The following COL11A1 variants were observed in gnomAD, a reference collection of about 807,000 sequenced individuals.
The protein encoded by COL11A1 is collagen type XI alpha 1 chain.
In COL11A1, 74 loss-of-function variants were observed where a neutral mutation model predicts 265.2. The observed-to-expected ratio is 0.28, with a 90% CI of 0.23 to 0.34. The LOEUF is 0.34. Among genes scored for constraint, COL11A1 ranks in the 10% least tolerant of loss-of-function variants. The pLI, the probability that COL11A1 is intolerant of heterozygous loss-of-function variation, is 1.00. For missense variants in COL11A1, 2,165 were observed against 2,263.6 expected (o/e 0.96, Z 0.88); for synonymous variants, 816 against 727.6 (o/e 1.12, Z -1.96).
intron 22 of COL11A1, 97 bp from the exon 23 acceptor site, chr1:103,002,578 A>G: frequency 8.4e-7 from 1 of 1,187,096 alleles, no homozygotes; most frequent in Non-Finnish European, 1.2e-6. Flanking sequence ...ACCCTCAAAC[A>G]GTTTTCCCTC....
rs778254056 is a variant in COL11A1 at position 102,946,961 on chromosome 1, T to A, written c.3169-5A>T. 6.2e-7 allele frequency: 1 copy of A among 1,607,544 alleles called. No homozygotes were observed. Among genetic ancestry groups the A allele is most frequent in the African/African-American group, 1.3e-5 (1 of 74,976 alleles). On this transcript the variant is annotated splice_region_variant and splice_polypyrimidine_tract_variant and intron_variant, in intron 41 of 66. Transcript: ENST00000370096. ...CCCACGTTCTCCTGGTGAGCCCTAG[T>A]ATACAGGAAAAGAAGTATTTTGTTA...
chr1:102,891,461 C>T (rs1651770456), intron 57 of COL11A1, among the ~76,000 whole-genome samples: 1 of 151,740 alleles, frequency 6.6e-6, no homozygotes, highest in Non-Finnish European at 1.5e-5. Flanking sequence ...GACATTTATC[C>T]TTTTAACTTA....
intron 7 of COL11A1, among the ~76,000 whole-genome samples, chr1:103,024,018 C>CT (rs1262719522): frequency 6.6e-6 from 1 of 152,044 alleles, no homozygotes; most frequent in Admixed American, 6.6e-5. Context: ...AAACTGATAC[C>CT]TTTTTTTCTC....
At chr1:102,972,723 C>T (rs919712656) in intron 36 of COL11A1, among the ~76,000 whole-genome samples, 2 of 152,070 alleles carry the variant, frequency 1.3e-5, no homozygotes, top group East Asian at 1.9e-4. Flanking sequence ...TGAGGGTATG[C>T]AGATTTGGCG....
At chr1:102,914,246 T>G in intron 52 of COL11A1, 106 bp downstream of exon 52, 1 of 871,450 alleles carries the variant, frequency 1.1e-6, no homozygotes, top group Non-Finnish European at 1.8e-6. Context: ...TTCTTTCTGT[T>G]TTTGGGAGTT....
chr1:102,892,943 C>T (rs934565633), intron 57 of COL11A1, among the ~76,000 whole-genome samples: 1 of 152,130 alleles, frequency 6.6e-6, no homozygotes, highest in African/African-American at 2.4e-5. Flanking sequence ...AATTTAGTTA[C>T]ATTCTCTTTT....
At position 103,003,275 on chromosome 1, in the gene COL11A1, GA is replaced by G. The variant is rs763773552; in HGVS notation, c.1945-8del. On this transcript the variant is annotated splice_polypyrimidine_tract_variant and splice_region_variant and intron_variant, in intron 20 of 66. Coordinates refer to ENST00000370096, the MANE Select transcript of COL11A1 (RefSeq NM_001854.4). ...CCAGCAAACCTCGTGGGCCCTAGGA[GA>G]AAAAGAAAAAGCACGCCTTTATTAA... 1 of 1,609,372 alleles carries G rather than the reference GA, an allele frequency of 6.2e-7. No homozygotes were observed. Among genetic ancestry groups the G allele is most frequent in the African/African-American group, 1.3e-5 (1 of 74,136 alleles).
intron 49 of COL11A1, 82 bp downstream of exon 49, chr1:102,920,229 T>A: frequency 3.3e-6 from 4 of 1,217,946 alleles, no homozygotes; most frequent in Admixed American, 1.7e-5. Flanking sequence ...ACACACATAC[T>A]AGAAGCACTT....
At chr1:102,940,993 G>A (rs1009936323) in intron 42 of COL11A1, among the ~76,000 whole-genome samples, 4 of 151,924 alleles carry the variant, frequency 2.6e-5, no homozygotes, top group African/African-American at 4.8e-5. Context: ...TTCTGTTTCC[G>A]ATAAAATATA....
intron 38 of COL11A1, 148 bp from the exon 39 acceptor site, chr1:102,962,908 CT>C: frequency 1.4e-6 from 1 of 706,494 alleles, no homozygotes; most frequent in Non-Finnish European, 2.5e-6. Flanking sequence ...ACATAAAGCA[CT>C]GAAAGTAGCA....
chr1:102,921,996 T>A (rs528369366), intron 47 of COL11A1, among the ~76,000 whole-genome samples: 3 of 152,360 alleles, frequency 2.0e-5, no homozygotes, highest in East Asian at 3.9e-4. Context: ...GCTTTTTCTA[T>A]GTCAACTCTT....
At chr1:102,942,320 T>C (rs943866070) in intron 42 of COL11A1, among the ~76,000 whole-genome samples, 3 of 152,188 alleles carry the variant, frequency 2.0e-5, no homozygotes, top group African/African-American at 7.2e-5. Context: ...TTCATTATAG[T>C]ACACATAATC....
intron 58 of COL11A1, among the ~76,000 whole-genome samples, chr1:102,889,786 T>C (rs1199678869): frequency 6.6e-6 from 1 of 152,134 alleles, no homozygotes; most frequent in Non-Finnish European, 1.5e-5. Context: ...TTATTAAGCA[T>C]TGGAAATATT....
At chr1:102,894,839 GA>G (rs1477028559) in intron 57 of COL11A1, among the ~76,000 whole-genome samples, 1 of 152,046 alleles carries the variant, frequency 6.6e-6, no homozygotes, top group African/African-American at 2.4e-5. Flanking sequence ...GCAATGGTGT[GA>G]TCTTGGCTTA....
chr1:102,928,909 G>A (rs1287202694), intron 46 of COL11A1, among the ~76,000 whole-genome samples: 2 of 66,226 alleles, frequency 3.0e-5, no homozygotes, highest in Admixed American at 2.4e-4. Context: ...AGAAGTGTCT[G>A]TTCATGTCCT....
chr1:103,085,720 A>G (rs1162952289), intron 1 of COL11A1, among the ~76,000 whole-genome samples: 1 of 152,210 alleles, frequency 6.6e-6, no homozygotes, highest in East Asian at 1.9e-4. Context: ...GATGTTTGAG[A>G]ACATTTTTTT....
intron 41 of COL11A1, among the ~76,000 whole-genome samples, chr1:102,959,387 T>C (rs565056925): frequency 1.1e-3 from 159 of 145,250 alleles, no homozygotes; most frequent in Non-Finnish European, 2.2e-3. Context: ...ACATCACATC[T>C]CTTTCCTAGT....
intron 44 of COL11A1, among the ~76,000 whole-genome samples, chr1:102,938,785 G>A (rs1658414751): frequency 6.6e-6 from 1 of 152,052 alleles, no homozygotes; most frequent in Non-Finnish European, 1.5e-5. Context: ...ATTTCATTAT[G>A]TTACTCTTTC....
intron 14 of COL11A1, among the ~76,000 whole-genome samples, chr1:103,010,919 C>T (rs1160143113): frequency 3.9e-5 from 6 of 152,082 alleles, no homozygotes; most frequent in Non-Finnish European, 7.4e-5. Context: ...AGGCTGGTCT[C>T]GAACTCCCAA....
Sources: gnomAD v4.1 joint callset for allele counts (sites outside exome capture counted in the v4.1 genomes callset) on GRCh38, gnomAD v4.1.1 for gene constraint, MANE v1.5 for transcripts, NCBI Gene and HGNC (gene_info 2026-07-23, HGNC 2026-07-21) for gene names.